Variants in ZNHIT6 observed in about 807,000 individuals in gnomAD.
ZNHIT6 encodes box C/D snoRNA protein 1.
Under a neutral mutation model 57.2 loss-of-function variants are expected in ZNHIT6, and 45 were observed. The ratio of observed to expected loss-of-function variants is 0.79; its 90% CI spans 0.62 to 1.01. The LOEUF (loss-of-function observed/expected upper bound fraction) is 1.01, where lower values mean the gene tolerates loss of function less well. Ranked by LOEUF, ZNHIT6 falls within the 50% of genes least tolerant of loss-of-function variation. The probability of loss-of-function intolerance (pLI) is 0.00; values close to 1 mark genes in which losing one functional copy is unlikely to be tolerated. For synonymous variants in ZNHIT6, 188 were observed against 190.0 expected (o/e 0.99, Z 0.09); for missense variants, 528 against 567.3 (o/e 0.93, Z 0.70).
chr1:85,707,526 C>T, intron 1 of ZNHIT6, 103 bp downstream of exon 1: 1 of 1,346,558 alleles, frequency 7.4e-7, no homozygotes, highest in Non-Finnish European at 1.0e-6. Context: ...AACTTGTGCT[C>T]ATTTTTCATT....
At position 85,651,118 on chromosome 1, in the gene ZNHIT6, AT is replaced by A. The variant is rs1660894150; in HGVS notation, c.*2939del. 6.6e-6 allele frequency: 1 copy of A among 152,256 alleles called. No homozygotes were observed. The highest frequency in any genetic ancestry group is 1.5e-5 in the Non-Finnish European group (1 of 68,036). 9.4% of individuals were successfully genotyped at this position (152,256 alleles called of 1,614,324 possible). On this transcript the variant is annotated 3_prime_UTR_variant, in exon 10 of 10. Coordinates refer to ENST00000370574, the MANE Select transcript of ZNHIT6 (RefSeq NM_017953.4). Reference sequence around the variant, plus strand: ...ATGTATAAAGAAAATTGTTGGCATTATAGTTATGTGATTAACATTTTAATTA... The same window carrying A: ...ATGTATAAAGAAAATTGTTGGCATTAAGTTATGTGATTAACATTTTAATTA...
In ZNHIT6 at chr1:85,667,961, A is replaced by AAAAAAAATGTATATATATAT; in HGVS notation, c.1247+9274_1247+9275insATATATATATACATTTTTTT. On this transcript the variant is annotated intron_variant, in intron 8 of 9. Coordinates refer to ENST00000370574, the MANE Select transcript of ZNHIT6 (RefSeq NM_017953.4). ...ACTCTCTCTTTCAAAAAAAAAAAAA[A>AAAAAAAATGTATATATATAT]ATATATATATATATATATATATATG... Among the ~76,000 whole-genome samples, 5 of 18,202 alleles carry AAAAAAAATGTATATATATAT rather than the reference A, an allele frequency of 2.7e-4. 2 individuals are homozygous for AAAAAAAATGTATATATATAT. The highest frequency in any genetic ancestry group is 4.9e-4 in the Non-Finnish European group (5 of 10,106). 11.9% of individuals were successfully genotyped at this position (18,202 alleles called of 152,430 possible).
chr1:85,678,803 A>C (rs1661780813), intron 6 of ZNHIT6, 22 bp from the exon 7 acceptor site: 2 of 1,315,326 alleles, frequency 1.5e-6, no homozygotes, highest in South Asian at 1.4e-5. Flanking sequence ...AGAAAAAAAA[A>C]CAAGCTATAT....
Position 85,666,285 on chromosome 1 carries a change from T to G in ZNHIT6, c.1248-8314A>C, listed in dbSNP as rs550116056. ...ATTGGAATACACATAGAATTCACAGTTTTGGTGCCTAACATTTAAATTGGT... is the reference window on the plus strand; with the variant it reads ...ATTGGAATACACATAGAATTCACAGGTTTGGTGCCTAACATTTAAATTGGT... On this transcript the variant is annotated intron_variant, in intron 8 of 9. Coordinates refer to ENST00000370574, the MANE Select transcript of ZNHIT6 (RefSeq NM_017953.4). Among the ~76,000 whole-genome samples the G allele has an allele frequency of 4.6e-5, 7 of 152,288 alleles. No individual in the cohort carries two copies. In the East Asian group the frequency reaches 9.6e-4, roughly 21 times the overall value.
chr1:85,698,030 A>G (rs1310216934), intron 5 of ZNHIT6, among the ~76,000 whole-genome samples: 1 of 152,196 alleles, frequency 6.6e-6, no homozygotes, highest in African/African-American at 2.4e-5. Context: ...ACTCCAAAAT[A>G]AGGAGGAGAG....
intron 5 of ZNHIT6, among the ~76,000 whole-genome samples, chr1:85,691,406 A>G (rs1027659403): frequency 3.3e-5 from 5 of 152,236 alleles, no homozygotes; most frequent in African/African-American, 1.2e-4. Context: ...GAGGGGGATA[A>G]GAAGGAGTTA....
intron 6 of ZNHIT6, among the ~76,000 whole-genome samples, chr1:85,680,488 GA>G (rs1661843439): frequency 6.6e-6 from 1 of 152,140 alleles, no homozygotes; most frequent in South Asian, 2.1e-4. Context: ...TGCTGCTAAA[GA>G]AACCATCATC....
chr1:85,701,909 T>G (rs1662539667), intron 5 of ZNHIT6, among the ~76,000 whole-genome samples: 1 of 151,046 alleles, frequency 6.6e-6, no homozygotes, highest in South Asian at 2.1e-4. Flanking sequence ...GTATGCACAT[T>G]AATGTTTGAG....
chr1:85,678,894 A>T, intron 6 of ZNHIT6, 113 bp from the exon 7 acceptor site: 1 of 554,566 alleles, frequency 1.8e-6, no homozygotes. Flanking sequence ...TAACTGAACA[A>T]AGACCTTTTA....
chr1:85,667,739 C>A (rs1661411191), intron 8 of ZNHIT6, among the ~76,000 whole-genome samples: 2 of 149,856 alleles, frequency 1.3e-5, no homozygotes, highest in Non-Finnish European at 1.5e-5. Context: ...TTGAGACCAG[C>A]CTGGCCACTA....
At chr1:85,670,870 G>A (rs375255901) in intron 8 of ZNHIT6, among the ~76,000 whole-genome samples, 1 of 152,232 alleles carries the variant, frequency 6.6e-6, no homozygotes, top group Non-Finnish European at 1.5e-5. Flanking sequence ...AAGGTCTTAC[G>A]CCTGGCTTAC....
chr1:85,668,763 G>A (rs1312196548), intron 8 of ZNHIT6, among the ~76,000 whole-genome samples: 1 of 152,026 alleles, frequency 6.6e-6, no homozygotes, highest in African/African-American at 2.4e-5. Flanking sequence ...TCTTTAAGGA[G>A]GTAAAATGTG....
At chr1:85,680,703 G>T in intron 6 of ZNHIT6, 133 bp downstream of exon 6, 1 of 573,032 alleles carries the variant, frequency 1.7e-6, no homozygotes, top group Non-Finnish European at 3.0e-6. Flanking sequence ...TTTTAGTGAT[G>T]TTTAGCATTT....
At chr1:85,670,956 T>C (rs1661541351) in intron 8 of ZNHIT6, among the ~76,000 whole-genome samples, 2 of 151,898 alleles carry the variant, frequency 1.3e-5, no homozygotes, top group Non-Finnish European at 2.9e-5. Context: ...GAACAGTCAG[T>C]CCATTAAATT....
chr1:85,650,183 C>T lies in ZNHIT6; in HGVS notation c.*3875G>A, dbSNP rs575974612. ...ATCCAATCTGGGCAAAATAAAAGTACTTCTCCAAAATTTTACATAGCTTGC... is the reference window on the plus strand; with the variant it reads ...ATCCAATCTGGGCAAAATAAAAGTATTTCTCCAAAATTTTACATAGCTTGC... On this transcript the variant is annotated 3_prime_UTR_variant, in exon 10 of 10. Transcript: ENST00000370574. The T allele has an allele frequency of 2.0e-5, 3 of 152,278 alleles. No homozygotes were observed. The highest frequency in any genetic ancestry group is 7.2e-5 in the African/African-American group (3 of 41,562). The allele number at this position is 152,278 out of a possible 1,614,324, so 9.4% of individuals were successfully genotyped here. A position where few individuals can be genotyped will look rare whatever the true frequency, so the allele number is the denominator to read the frequency against.
intron 8 of ZNHIT6, among the ~76,000 whole-genome samples, chr1:85,658,725 G>T (rs1225293012): frequency 6.6e-6 from 1 of 152,028 alleles, no homozygotes; most frequent in East Asian, 1.9e-4. Flanking sequence ...TACAAAATTA[G>T]CTCGGCATGG....
At chr1:85,671,275 A>T (rs1452754462) in intron 8 of ZNHIT6, among the ~76,000 whole-genome samples, 1 of 152,112 alleles carries the variant, frequency 6.6e-6, no homozygotes, top group Non-Finnish European at 1.5e-5. Context: ...TATAGCTAAT[A>T]TTACATTTGA....
Position 85,706,256 on chromosome 1 carries a change from G to A in ZNHIT6, c.822C>T (p.Leu274=), listed in dbSNP as rs768441125. ...ISIQQFTEMN[L]LSDYRFLEDV... ...ATGCATAAAGTGGCTTACCACTTAG[G>A]AGATTCATTTCAGTAAACTGTTGTA... is the stretch of plus-strand genomic sequence containing the variant. The change falls in exon 3 of 10, where the codon CTC becomes CTT. Residue 274 remains leucine (L), a synonymous_variant. Coordinates refer to ENST00000370574, the MANE Select transcript of ZNHIT6 (RefSeq NM_017953.4). 21 of 1,610,972 alleles carry A rather than the reference G, an allele frequency of 1.3e-5. No homozygotes were observed. The highest frequency in any genetic ancestry group is 1.8e-5 in the Non-Finnish European group (21 of 1,178,096).
rs140018459 is a variant in ZNHIT6, at chr1:85,708,360, G to A, written c.-76C>T. 1.0e-5 allele frequency: 15 copies of A among 1,505,726 alleles called. No individual in the cohort carries two copies. Among genetic ancestry groups the A allele is most frequent in the East Asian group, 2.3e-5 (1 of 43,822 alleles). 93.3% of individuals were successfully genotyped at this position (1,505,726 alleles called of 1,614,324 possible). A position where few individuals can be genotyped will look rare whatever the true frequency, so the allele number is the denominator to read the frequency against. On this transcript the variant is annotated 5_prime_UTR_variant, in exon 1 of 10. Transcript: ENST00000370574. ...CTGCACACCAATAGGAGGAATTACC[G>A]GTCGGAATACCTACGGCGGCCCACG...
Sources: allele counts gnomAD v4.1 joint callset (sites outside exome capture counted in the v4.1 genomes callset), GRCh38; gene constraint gnomAD v4.1.1; transcripts MANE v1.5; gene names NCBI Gene and HGNC (gene_info 2026-07-23, HGNC 2026-07-21).